The following FMN1 variants were observed in gnomAD, a reference collection of about 807,000 sequenced individuals.
The protein encoded by FMN1 is formin-1.
FMN1 carries 110 observed loss-of-function variants against 132.4 expected under a neutral mutation model. That is an observed-to-expected ratio of 0.83 (90% CI 0.71 to 0.97). The LOEUF (loss-of-function observed/expected upper bound fraction) is 0.97. FMN1 is among the 50% of genes least tolerant of loss of function. The pLI, the probability that FMN1 is intolerant of heterozygous loss-of-function variation, is 0.00. For missense variants in FMN1, 1,792 were observed against 1,705.3 expected (o/e 1.05, Z -0.90); for synonymous variants, 722 against 651.7 (o/e 1.11, Z -1.64).
At chr15:32,864,191 A>C (rs1009447366) in intron 16 of FMN1, among the ~76,000 whole-genome samples, 2 of 152,216 alleles carry the variant, frequency 1.3e-5, no homozygotes, top group Admixed American at 6.5e-5. Flanking sequence ...AAATGACAGA[A>C]GCCTGCAATA....
chr15:32,793,255 GTT>G (rs1466010616), intron 19 of FMN1, among the ~76,000 whole-genome samples: 1 of 151,640 alleles, frequency 6.6e-6, no homozygotes, highest in Non-Finnish European at 1.5e-5. Context: ...GGAATAAGCA[GTT>G]TTTATTATTT....
chr15:33,117,902 T>A (rs1327108565), intron 4 of FMN1, among the ~76,000 whole-genome samples: 2 of 152,202 alleles, frequency 1.3e-5, no homozygotes, highest in Non-Finnish European at 2.9e-5. Flanking sequence ...GTTCTTCATC[T>A]AGTTTAGGTT....
At chr15:33,148,190 T>C (rs1036000592) in intron 4 of FMN1, among the ~76,000 whole-genome samples, 1 of 152,204 alleles carries the variant, frequency 6.6e-6, no homozygotes, top group Non-Finnish European at 1.5e-5. Context: ...GTTGCTCATT[T>C]AAAATTCCAT....
At position 32,771,498 on chromosome 15, in the gene FMN1, A is replaced by T. The variant is rs904155080; in HGVS notation, c.*2812T>A. Reference sequence around the variant, plus strand: ...TGTCAATTGCTCATGCAAGAATCTGAACTACTGTCAAACTGTGTCCTCAGA... The same window carrying T: ...TGTCAATTGCTCATGCAAGAATCTGTACTACTGTCAAACTGTGTCCTCAGA... On this transcript the variant is annotated 3_prime_UTR_variant, in exon 21 of 21. Transcript: ENST00000616417. 6.6e-6 allele frequency: 1 copy of T among 152,230 alleles called. No individual in the cohort carries two copies. The highest frequency in any genetic ancestry group is 1.5e-5 in the Non-Finnish European group (1 of 68,040). The allele number at this position is 152,230 out of a possible 1,614,324, so 9.4% of individuals were successfully genotyped here. A position where few individuals can be genotyped will look rare whatever the true frequency, so the allele number is the denominator to read the frequency against.
At position 32,969,268 on chromosome 15, in the gene FMN1, GGTCTC is replaced by G; in HGVS notation, c.2428_2432del (p.Glu810LeufsTer6). ...TTTCACTTTCACAGGGCTTGAGGAA[GGTCTC>G]TCTGTCTGTCTGGACGCACACATTT... On this transcript the variant is annotated frameshift_variant, in exon 8 of 21. Coordinates refer to ENST00000616417, the MANE Select transcript of FMN1 (RefSeq NM_001277313.2). LOFTEE classifies it high-confidence loss of function. The G allele has an allele frequency of 6.2e-7, 1 of 1,613,934 alleles. No individual in the cohort carries two copies. Among genetic ancestry groups the G allele is most frequent in the South Asian group, 1.1e-5 (1 of 91,080 alleles).
At chr15:32,880,402 T>C (rs145936922) in intron 16 of FMN1, among the ~76,000 whole-genome samples, 3,964 of 152,318 alleles carry the variant, frequency 0.026, 63 homozygotes, top group Middle Eastern at 0.048. Flanking sequence ...ATATTAGATG[T>C]ATTAATTGTG....
chr15:33,140,157 T>G (rs1264331287), intron 4 of FMN1, among the ~76,000 whole-genome samples: 1 of 149,666 alleles, frequency 6.7e-6, no homozygotes, highest in Non-Finnish European at 1.5e-5. Context: ...CAAATAAAAT[T>G]TATTTTGTCC....
At chr15:33,055,719 T>C (rs1254457226) in intron 6 of FMN1, among the ~76,000 whole-genome samples, 1 of 152,170 alleles carries the variant, frequency 6.6e-6, no homozygotes, top group African/African-American at 2.4e-5. Context: ...TTTTCATGAT[T>C]GGCTTAGAAA....
intron 4 of FMN1, among the ~76,000 whole-genome samples, chr15:33,145,278 G>A (rs1340386258): frequency 6.6e-6 from 1 of 151,644 alleles, no homozygotes; most frequent in African/African-American, 2.4e-5. Flanking sequence ...TACCTCTCCC[G>A]CTTCTCCTTG....
At chr15:33,073,600 A>C (rs1413533699) in intron 5 of FMN1, among the ~76,000 whole-genome samples, 3 of 152,180 alleles carry the variant, frequency 2.0e-5, no homozygotes, top group Non-Finnish European at 4.4e-5. Flanking sequence ...ATAACATCAT[A>C]AGGAGTCAAA....
chr15:32,843,320 G>T (rs2141223933), intron 17 of FMN1, among the ~76,000 whole-genome samples: 2 of 152,218 alleles, frequency 1.3e-5, no homozygotes, highest in East Asian at 3.9e-4. Flanking sequence ...ATTAATTGCT[G>T]TCAACACGCT....
At chr15:32,909,351 A>G (rs1039423640) in intron 11 of FMN1, among the ~76,000 whole-genome samples, 2 of 152,218 alleles carry the variant, frequency 1.3e-5, no homozygotes, top group African/African-American at 4.8e-5. Context: ...CCAAGTATTC[A>G]AGTGCATAAT....
At position 32,771,296 on chromosome 15, in the gene FMN1, T is replaced by A. The variant is rs1178447012; in HGVS notation, c.*3014A>T. On this transcript the variant is annotated 3_prime_UTR_variant, in exon 21 of 21. Coordinates refer to ENST00000616417, the MANE Select transcript of FMN1 (RefSeq NM_001277313.2). ...GGTTTCACCGTGTTAGCCAGGATGG[T>A]CTCAATCTCCTGACCTCGTGATCCG... 6.6e-6 allele frequency: 1 copy of A among 151,718 alleles called. No individual in the cohort carries two copies. The highest frequency in any genetic ancestry group is 1.5e-5 in the Non-Finnish European group (1 of 68,048). The allele number at this position is 151,718 out of a possible 1,614,324, so 9.4% of individuals were successfully genotyped here.
chr15:32,965,774 GTAA>G, intron 8 of FMN1, among the ~76,000 whole-genome samples: 1 of 152,222 alleles, frequency 6.6e-6, no homozygotes, highest in Middle Eastern at 3.4e-3. Context: ...GTTGAACCAT[GTAA>G]TAGTATGACA....
chr15:33,121,213 T>C (rs1962522690), intron 4 of FMN1, among the ~76,000 whole-genome samples: 1 of 152,236 alleles, frequency 6.6e-6, no homozygotes. Context: ...AATAGAGCAG[T>C]GGGTCCTGTG....
intron 17 of FMN1, among the ~76,000 whole-genome samples, chr15:32,855,395 A>G (rs973941876): frequency 6.6e-6 from 1 of 152,082 alleles, no homozygotes; most frequent in Admixed American, 6.5e-5. Context: ...CCCTCATATA[A>G]ATTCCCTTTC....
intron 4 of FMN1, among the ~76,000 whole-genome samples, chr15:33,091,882 A>T (rs969842008): frequency 3.3e-5 from 5 of 152,254 alleles, no homozygotes; most frequent in African/African-American, 9.6e-5. Context: ...TTTCCGACAC[A>T]AATAGATTTG....
In FMN1 at chr15:33,018,043, C is replaced by A. The variant is rs148944959; in HGVS notation, c.2162-9968G>T. On this transcript the variant is annotated intron_variant, in intron 6 of 20. Transcript: ENST00000616417. ...TCACACCACTGCACTCCAGCCTGGG[C>A]AACAGAGCGACACTACCTCTCAAGA... Among the ~76,000 whole-genome samples, 649 of 147,112 alleles carry A rather than the reference C, an allele frequency of 4.4e-3. 6 individuals carry two copies. The highest frequency in any genetic ancestry group is 0.016 in the African/African-American group (626 of 39,588).
At chr15:32,859,879 A>AT (rs1232228946) in intron 16 of FMN1, among the ~76,000 whole-genome samples, 1 of 151,996 alleles carries the variant, frequency 6.6e-6, no homozygotes, top group African/African-American at 2.4e-5. Context: ...CTCAAAAAAA[A>AT]TTTTTTAAGT....
Sources: allele counts gnomAD v4.1 joint callset (sites outside exome capture counted in the v4.1 genomes callset), GRCh38; gene constraint gnomAD v4.1.1; transcripts MANE v1.5; gene names NCBI Gene and HGNC (gene_info 2026-07-23, HGNC 2026-07-21).